Variants in PARD3B observed in about 807,000 individuals in gnomAD.
The protein encoded by PARD3B is partitioning defective 3 homolog B.
Under a neutral mutation model 130.2 loss-of-function variants are expected in PARD3B, and 103 were observed. The observed-to-expected ratio is 0.79, with a 90% confidence interval of 0.67 to 0.93. PARD3B has a LOEUF of 0.93. Among genes scored for constraint, PARD3B ranks in the 40% least tolerant of loss-of-function variants. PARD3B has a pLI of 0.00. For missense variants in PARD3B, 1,609 were observed against 1,499.2 expected (o/e 1.07, Z -1.21); for synonymous variants, 583 against 553.2 (o/e 1.05, Z -0.76).
chr2:204,580,587 C>G (rs1287668209), intron 1 of PARD3B, among the ~76,000 whole-genome samples: 1 of 152,170 alleles, frequency 6.6e-6, no homozygotes, highest in South Asian at 2.1e-4. Context: ...ATAACTCCAC[C>G]TGGGCGAGGG....
intron 10 of PARD3B, among the ~76,000 whole-genome samples, chr2:205,152,966 T>C (rs2125699455): frequency 6.6e-6 from 1 of 152,346 alleles, no homozygotes; most frequent in South Asian, 2.1e-4. Context: ...TTTGTTGATG[T>C]TGCTCCTATT....
In PARD3B at chr2:205,227,494, C is replaced by T. The variant is rs955645975; in HGVS notation, c.2141-18284C>T. Among the ~76,000 whole-genome samples the T allele has an allele frequency of 2.0e-5, 3 of 152,044 alleles. No homozygotes were observed. The South Asian group carries it at 6.2e-4, about 32-fold the overall frequency. ...ATCTATTTTGCCTGATGGAAATATA[C>T]CTACTCCTGCTCTTTTTTAGTTTCC... On this transcript the variant is annotated intron_variant, in intron 15 of 22. Transcript: ENST00000406610.
chr2:205,238,852 ATAT>A lies in PARD3B; in HGVS notation c.2141-6925_2141-6923del, dbSNP rs1559574881. On this transcript the variant is annotated intron_variant, in intron 15 of 22. Coordinates refer to ENST00000406610, the MANE Select transcript of PARD3B (RefSeq NM_001302769.2). ...CTCCGTTTCAAAAAAAAAAAAAAATATATATATATATATATATATATATATGTA... is the reference window on the plus strand; with the variant it reads ...CTCCGTTTCAAAAAAAAAAAAAAATAATATATATATATATATATATATGTA... 7.0e-3 allele frequency among the ~76,000 whole-genome samples: 499 copies of A among 70,998 alleles called. 24 individuals are homozygous for A. The highest frequency in any genetic ancestry group is 0.013 in the African/African-American group (201 of 15,636). The allele number at this position is 70,998 out of a possible 152,430, so 46.6% of individuals were successfully genotyped here. A position where few individuals can be genotyped will look rare whatever the true frequency, so the allele number is the denominator to read the frequency against.
At chr2:205,019,797 A>C (rs944087861) in intron 3 of PARD3B, among the ~76,000 whole-genome samples, 1 of 152,202 alleles carries the variant, frequency 6.6e-6, no homozygotes, top group Non-Finnish European at 1.5e-5. Context: ...AAAGTTACAG[A>C]AAGGAGAAAA....
In PARD3B at chr2:204,825,768, G is replaced by C. The variant is rs77272721; in HGVS notation, c.223-139384G>C. Among the ~76,000 whole-genome samples, 920 of 152,286 alleles carry C rather than the reference G, an allele frequency of 6.0e-3. 11 individuals carry two copies. The highest frequency in any genetic ancestry group is 0.021 in the African/African-American group (890 of 41,564). ...TTCAATGGAGCGAGTTCTTGAAAAA[G>C]GCCCTGTCTTCATCTCATCCTAATC... On this transcript the variant is annotated intron_variant, in intron 2 of 22. Transcript: ENST00000406610.
intron 2 of PARD3B, among the ~76,000 whole-genome samples, chr2:204,755,363 G>A (rs569029793): frequency 1.6e-4 from 25 of 152,022 alleles, no homozygotes; most frequent in East Asian, 1.4e-3. Context: ...CTTTTTTCCC[G>A]AAAGGCAGAA....
intron 22 of PARD3B, among the ~76,000 whole-genome samples, chr2:205,599,621 T>C (rs2054704828): frequency 1.3e-5 from 2 of 152,206 alleles, no homozygotes; most frequent in Non-Finnish European, 2.9e-5. Context: ...AGAGTCTCAT[T>C]GGAGAGCTTC....
At chr2:205,522,103 TATTTA>T (rs1381924446) in intron 21 of PARD3B, among the ~76,000 whole-genome samples, 2 of 151,662 alleles carry the variant, frequency 1.3e-5, no homozygotes, top group East Asian at 3.8e-4. Context: ...CCAAATAATA[TATTTA>T]ATAATTATTT....
intron 2 of PARD3B, among the ~76,000 whole-genome samples, chr2:204,843,456 C>A (rs1000788727): frequency 1.3e-5 from 2 of 151,944 alleles, no homozygotes; most frequent in African/African-American, 4.8e-5. Flanking sequence ...GTGGCGTGAT[C>A]TTGGTTGACT....
chr2:205,603,895 C>T (rs567006921), intron 22 of PARD3B, among the ~76,000 whole-genome samples: 7 of 152,136 alleles, frequency 4.6e-5, no homozygotes, highest in Non-Finnish European at 1.0e-4. Flanking sequence ...CATCATGATG[C>T]TAGCTGGTTA....
At chr2:204,997,116 G>T (rs977396224) in intron 3 of PARD3B, among the ~76,000 whole-genome samples, 3 of 152,120 alleles carry the variant, frequency 2.0e-5, no homozygotes, top group African/African-American at 7.2e-5. Context: ...CTCCTCAGTT[G>T]TCATTCTTTC....
chr2:205,051,020 G>A (rs1008325665), intron 4 of PARD3B, among the ~76,000 whole-genome samples: 3 of 152,060 alleles, frequency 2.0e-5, no homozygotes, highest in East Asian at 1.9e-4. Flanking sequence ...ATAGCCCTAC[G>A]CTCACTTTTA....
At chr2:204,645,496 T>C (rs2035241132) in intron 1 of PARD3B, among the ~76,000 whole-genome samples, 1 of 152,154 alleles carries the variant, frequency 6.6e-6, no homozygotes, top group African/African-American at 2.4e-5. Flanking sequence ...AATCTGTACT[T>C]TGGCTTAATG....
At position 204,545,816 on chromosome 2, in the gene PARD3B, G is replaced by A. The variant is rs1455805249; in HGVS notation, c.-184G>A. 1 of 589,518 alleles carries A rather than the reference G, an allele frequency of 1.7e-6. No homozygotes were observed. 36.5% of individuals were successfully genotyped at this position (589,518 alleles called of 1,614,324 possible). ...CCGCGGCCGCCCCTCCCCGATTCCC[G>A]CCACCTGCCGCCTGGCCAGGTGGAA... On this transcript the variant is annotated 5_prime_UTR_variant, in exon 1 of 23. Transcript: ENST00000406610.
At chr2:205,456,882 A>G (rs2048294702) in intron 20 of PARD3B, among the ~76,000 whole-genome samples, 1 of 149,882 alleles carries the variant, frequency 6.7e-6, no homozygotes, top group Non-Finnish European at 1.5e-5. Flanking sequence ...TAAATATTAA[A>G]TTGAATAATC....
chr2:205,393,816 A>T (rs75237208), intron 18 of PARD3B, among the ~76,000 whole-genome samples: 2,698 of 152,258 alleles, frequency 0.018, 81 homozygotes, highest in African/African-American at 0.061. Flanking sequence ...ATGCCAGAGG[A>T]CAAGCTGTAC....
intron 1 of PARD3B, among the ~76,000 whole-genome samples, chr2:204,563,492 T>G (rs2031479453): frequency 6.6e-6 from 1 of 152,142 alleles, no homozygotes. Flanking sequence ...TTCTTGCTTT[T>G]CCACTAAGAC....
intron 1 of PARD3B, among the ~76,000 whole-genome samples, chr2:204,625,892 G>GCAGAGAC (rs754036457): frequency 2.0e-5 from 3 of 151,920 alleles, no homozygotes; most frequent in Non-Finnish European, 2.9e-5. Flanking sequence ...TTTTAGTGTT[G>GCAGAGAC]CAGAGACTAA....
In PARD3B at chr2:205,553,391, C is replaced by G. The variant is rs774314440; in HGVS notation, c.3248C>G (p.Ala1083Gly). 2.5e-6 allele frequency: 4 copies of G among 1,613,932 alleles called. No individual in the cohort carries two copies. The Admixed American group carries it at 6.7e-5, about 27-fold the overall frequency. The change falls in exon 22 of 23, where the codon GCA becomes GGA. Residue 1083 changes from alanine to glycine, a missense_variant. Physicochemically the swap from Ala to Gly is moderately conservative, Grantham distance 60 (BLOSUM62 0). Coordinates refer to ENST00000406610, the MANE Select transcript of PARD3B (RefSeq NM_001302769.2). ...TTTGAAGGGATGGAGAGGCAGTACG[C>G]ATCCTTACCCAGGTAGATCACGGAG... ...LRFEGMERQY[A>G]SLPRGGPADP...
Sources: gnomAD v4.1 joint callset for allele counts (sites outside exome capture counted in the v4.1 genomes callset) on GRCh38, gnomAD v4.1.1 for gene constraint, MANE v1.5 for transcripts, NCBI Gene and HGNC (gene_info 2026-07-23, HGNC 2026-07-21) for gene names.